Variants in GTF2F2 observed in about 807,000 individuals in gnomAD.
The protein encoded by GTF2F2 is general transcription factor IIF subunit 2, also known as ATP-dependent helicase GTF2F2.
A neutral mutation model predicts 42.2 loss-of-function variants in GTF2F2; 23 were observed. That is an observed-to-expected ratio of 0.55 (90% CI 0.39 to 0.77). The LOEUF (loss-of-function observed/expected upper bound fraction) is 0.77, where lower values mean the gene tolerates loss of function less well. GTF2F2 is among the 30% of genes least tolerant of loss of function. The probability of loss-of-function intolerance (pLI) is 0.00; values close to 1 mark genes in which losing one functional copy is unlikely to be tolerated. For synonymous variants in GTF2F2, 105 were observed against 100.8 expected (o/e 1.04, Z -0.25); for missense variants, 261 against 287.2 (o/e 0.91, Z 0.66).
At chr13:45,185,125 A>G (rs1434365128) in intron 4 of GTF2F2, among the ~76,000 whole-genome samples, 3 of 152,036 alleles carry the variant, frequency 2.0e-5, no homozygotes, top group African/African-American at 7.3e-5. Context: ...TTAGCCCATT[A>G]TTTTCTACAT....
At chr13:45,219,034 TG>T (rs917270898) in intron 5 of GTF2F2, among the ~76,000 whole-genome samples, 31 of 152,224 alleles carry the variant, frequency 2.0e-4, no homozygotes, top group Non-Finnish European at 3.8e-4. Context: ...TGTTTTGTTT[TG>T]TTTTTTTTAA....
intron 4 of GTF2F2, among the ~76,000 whole-genome samples, chr13:45,198,391 C>T (rs997527518): frequency 6.6e-6 from 1 of 152,196 alleles, no homozygotes; most frequent in African/African-American, 2.4e-5. Context: ...GGTTATCCCT[C>T]CCGACTGGAA....
At chr13:45,198,672 A>G (rs1039488005) in intron 4 of GTF2F2, among the ~76,000 whole-genome samples, 1 of 152,142 alleles carries the variant, frequency 6.6e-6, no homozygotes, top group Non-Finnish European at 1.5e-5. Flanking sequence ...ATCTGACAGT[A>G]TATCTCTGCC....
intron 4 of GTF2F2, among the ~76,000 whole-genome samples, chr13:45,162,459 A>G (rs1366846669): frequency 1.3e-5 from 2 of 152,216 alleles, no homozygotes; most frequent in African/African-American, 4.8e-5. Flanking sequence ...ACAAAAATAT[A>G]TGAGTTTAGT....
chr13:45,215,163 G>C (rs1187623209), intron 5 of GTF2F2, among the ~76,000 whole-genome samples: 1 of 152,182 alleles, frequency 6.6e-6, no homozygotes, highest in Non-Finnish European at 1.5e-5. Flanking sequence ...GAAATGCTTT[G>C]AGAAGTGCTC....
chr13:45,262,974 C>A lies in GTF2F2; in HGVS notation c.487-4259C>A, dbSNP rs540639160. On this transcript the variant is annotated intron_variant, in intron 6 of 7. Transcript: ENST00000340473. ...CTCTTGGTCTCAAGTGATCCTCCCC[C>A]CTTGGCCTCCCAGAGCACTAGGATT... Among the ~76,000 whole-genome samples, 8 of 152,264 alleles carry A rather than the reference C, an allele frequency of 5.3e-5. No individual in the cohort carries two copies. The South Asian group carries it at 6.2e-4, about 12-fold the overall frequency.
At chr13:45,272,424 T>TAAA (rs11393681) in intron 7 of GTF2F2, among the ~76,000 whole-genome samples, 8,205 of 99,330 alleles carry the variant, frequency 0.083, 883 homozygotes, top group African/African-American at 0.25. Flanking sequence ...TTTGGCTCTT[T>TAAA]AAAAAAAAAA....
chr13:45,134,169 C>A (rs1391529231), intron 1 of GTF2F2, among the ~76,000 whole-genome samples: 3 of 150,692 alleles, frequency 2.0e-5, no homozygotes, highest in Non-Finnish European at 2.9e-5. Flanking sequence ...ACCACTGTTT[C>A]CCCTTTTCAA....
intron 5 of GTF2F2, among the ~76,000 whole-genome samples, chr13:45,249,751 A>G (rs1286527183): frequency 5.3e-5 from 8 of 152,176 alleles, no homozygotes; most frequent in Non-Finnish European, 7.3e-5. Context: ...AAGATAATTT[A>G]GCGGCAACAT....
intron 4 of GTF2F2, among the ~76,000 whole-genome samples, chr13:45,184,413 G>C (rs1872319941): frequency 6.8e-6 from 1 of 147,662 alleles, no homozygotes; most frequent in African/African-American, 2.6e-5. Flanking sequence ...TTTTGAGACA[G>C]GGTCTTGCTC....
At chr13:45,271,497 C>G (rs1876791447) in intron 7 of GTF2F2, among the ~76,000 whole-genome samples, 1 of 151,860 alleles carries the variant, frequency 6.6e-6, no homozygotes, top group African/African-American at 2.4e-5. Flanking sequence ...ATTCTTCTGC[C>G]TCATCCTTCT....
At chr13:45,234,783 T>A (rs553957680) in intron 5 of GTF2F2, among the ~76,000 whole-genome samples, 6 of 152,180 alleles carry the variant, frequency 3.9e-5, no homozygotes, top group African/African-American at 1.4e-4. Flanking sequence ...CGGTGGCTCA[T>A]GCCTGTAATT....
intron 5 of GTF2F2, 72 bp downstream of exon 5, chr13:45,207,577 C>T (rs1873470719): frequency 2.2e-6 from 2 of 889,174 alleles, no homozygotes; most frequent in Non-Finnish European, 3.8e-6. Context: ...TGTTATATCG[C>T]CTATTGACTG....
intron 2 of GTF2F2, among the ~76,000 whole-genome samples, chr13:45,142,349 G>A (rs1402514963): frequency 2.6e-5 from 4 of 152,050 alleles, no homozygotes; most frequent in African/African-American, 9.7e-5. Context: ...TTTATTTTTA[G>A]TAGAGACAGG....
chr13:45,177,896 G>A (rs958680689), intron 4 of GTF2F2, among the ~76,000 whole-genome samples: 2 of 152,100 alleles, frequency 1.3e-5, no homozygotes, highest in African/African-American at 2.4e-5. Flanking sequence ...TTTTTCTGTG[G>A]AGAATTCTGT....
intron 4 of GTF2F2, among the ~76,000 whole-genome samples, chr13:45,157,170 CAG>C (rs1870802707): frequency 6.6e-6 from 1 of 151,958 alleles, no homozygotes; most frequent in African/African-American, 2.4e-5. Context: ...TTAAGGCAGA[CAG>C]AGAACAGTAA....
At chr13:45,238,534 C>CCCTT (rs1329411825) in intron 5 of GTF2F2, among the ~76,000 whole-genome samples, 8 of 152,164 alleles carry the variant, frequency 5.3e-5, no homozygotes, top group African/African-American at 1.9e-4. Context: ...TCTTCCCACT[C>CCCTT]CCTTGTTCCT....
At position 45,151,741 on chromosome 13, in the gene GTF2F2, C is replaced by A; in HGVS notation, c.214C>A (p.Pro72Thr). 6.2e-7 allele frequency: 1 copy of A among 1,603,124 alleles called. No individual in the cohort carries two copies. The highest frequency in any genetic ancestry group is 8.5e-7 in the Non-Finnish European group (1 of 1,171,618). Residue 72 changes from proline to threonine, a missense_variant, in exon 4 of 8, where the codon CCA becomes ACA. Pro to Thr is a conservative substitution (Grantham distance 38, BLOSUM62 -1). Coordinates refer to ENST00000340473, the MANE Select transcript of GTF2F2 (RefSeq NM_004128.3). ...AAATATTCATGATATTGGTGGAAAA[C>A]CAGCTTCAGTCAGTGCTCCTAGAGA... ...LANIHDIGGK[P>T]ASVSAPREHP...
chr13:45,222,003 T>C (rs2138205707), intron 5 of GTF2F2, among the ~76,000 whole-genome samples: 1 of 152,238 alleles, frequency 6.6e-6, no homozygotes, highest in Admixed American at 6.5e-5. Context: ...CAGATGGGCC[T>C]TTCTCGACCA....
Sources: gnomAD v4.1 joint callset for allele counts (sites outside exome capture counted in the v4.1 genomes callset) on GRCh38, gnomAD v4.1.1 for gene constraint, MANE v1.5 for transcripts, NCBI Gene and HGNC (gene_info 2026-07-23, HGNC 2026-07-21) for gene names.